Variants in VRK2 observed in about 807,000 individuals in gnomAD.
VRK2 encodes VRK serine/threonine kinase 2.
VRK2 carries 60 observed loss-of-function variants against 57.6 expected under a neutral mutation model. The ratio of observed to expected loss-of-function variants is 1.04; its 90% CI spans 0.85 to 1.29. The LOEUF (loss-of-function observed/expected upper bound fraction) is 1.29. Among genes scored for constraint, VRK2 ranks in the 50% most tolerant of loss-of-function variants. The pLI is 0.00. For missense variants in VRK2, 705 were observed against 588.1 expected (o/e 1.20, Z -2.06); for synonymous variants, 231 against 199.2 (o/e 1.16, Z -1.35).
chr2:58,139,932 T>G (rs1681076627), intron 11 of VRK2, 100 bp downstream of exon 11: 2 of 1,280,424 alleles, frequency 1.6e-6, no homozygotes, highest in Admixed American at 5.1e-5. Context: ...ACAGCTTTCT[T>G]CTTCCTTATA....
At chr2:58,114,404 A>T (rs1001125962) in intron 7 of VRK2, among the ~76,000 whole-genome samples, 5 of 152,154 alleles carry the variant, frequency 3.3e-5, no homozygotes, top group Admixed American at 1.3e-4. Flanking sequence ...GAGTATGACT[A>T]GACAAAAGAT....
At chr2:58,000,485 A>C (rs571677463) in intron 1 of VRK2, among the ~76,000 whole-genome samples, 44 of 152,364 alleles carry the variant, frequency 2.9e-4, no homozygotes, top group Non-Finnish European at 5.1e-4. Context: ...AAATTCTTGA[A>C]AGGCATTATA....
At chr2:58,064,805 CT>C (rs397871952) in intron 2 of VRK2, among the ~76,000 whole-genome samples, 138 of 151,792 alleles carry the variant, frequency 9.1e-4, no homozygotes, top group Non-Finnish European at 1.4e-3. Context: ...AGATAATACA[CT>C]TTTTTTTCAA....
chr2:57,955,386 C>T (rs1671550412), intron 1 of VRK2, among the ~76,000 whole-genome samples: 1 of 150,658 alleles, frequency 6.6e-6, no homozygotes, highest in Non-Finnish European at 1.5e-5. Context: ...TATATCTCTA[C>T]CAACTCCCTA....
intron 2 of VRK2, among the ~76,000 whole-genome samples, chr2:58,071,030 A>G (rs1669292798): frequency 1.3e-5 from 2 of 152,016 alleles, no homozygotes; most frequent in African/African-American, 2.4e-5. Context: ...GTTGTATCTC[A>G]TTGTTTTAAT....
At chr2:57,964,544 G>A (rs1051976002) in intron 1 of VRK2, among the ~76,000 whole-genome samples, 5 of 152,074 alleles carry the variant, frequency 3.3e-5, no homozygotes, top group African/African-American at 1.2e-4. Flanking sequence ...CTCATGCAGT[G>A]CAAAACTGTG....
chr2:57,947,198 C>A (rs931415123), intron 1 of VRK2, among the ~76,000 whole-genome samples: 1 of 151,990 alleles, frequency 6.6e-6, no homozygotes, highest in Non-Finnish European at 1.5e-5. Context: ...GCAACTACCA[C>A]CAGAGTTAAA....
chr2:57,982,754 A>G (rs1456837109), intron 1 of VRK2, among the ~76,000 whole-genome samples: 1 of 152,194 alleles, frequency 6.6e-6, no homozygotes, highest in Non-Finnish European at 1.5e-5. Context: ...GCCCTGAACT[A>G]TCCAGGTCTG....
At chr2:58,068,931 A>G (rs1488663652) in intron 2 of VRK2, among the ~76,000 whole-genome samples, 1 of 151,976 alleles carries the variant, frequency 6.6e-6, no homozygotes, top group Non-Finnish European at 1.5e-5. Flanking sequence ...TTTGTTTCAA[A>G]AGTGTTTGTC....
chr2:58,101,790 A>G (rs1362641873), intron 7 of VRK2, among the ~76,000 whole-genome samples: 1 of 151,734 alleles, frequency 6.6e-6, no homozygotes, highest in East Asian at 1.9e-4. Context: ...ATATATATGT[A>G]CATCAGGAGA....
chr2:57,910,737 G>C (rs758407342), intron 1 of VRK2, among the ~76,000 whole-genome samples: 3 of 152,162 alleles, frequency 2.0e-5, no homozygotes, highest in African/African-American at 4.8e-5. Flanking sequence ...TATGGTAGTG[G>C]TGATGGTTGA....
At chr2:58,051,620 C>G (rs1037479903) in intron 2 of VRK2, among the ~76,000 whole-genome samples, 1 of 152,210 alleles carries the variant, frequency 6.6e-6, no homozygotes. Flanking sequence ...CAGATACCCT[C>G]TTTCAGCAGA....
rs1191924886 is a variant in VRK2, at chr2:57,979,196, G to A, written c.-438-46469G>A. On this transcript the variant is annotated intron_variant, in intron 1 of 15. Transcript: ENST00000417641. ...GTATATACCCAGTAATGGGATTGCT[G>A]GGTCAAATGGTATTTCTGGTTCTAG... Among the ~76,000 whole-genome samples the A allele has an allele frequency of 3.3e-5, 5 of 150,972 alleles. 1 individual carries two copies. The highest frequency in any genetic ancestry group is 1.2e-4 in the African/African-American group (5 of 40,354).
intron 11 of VRK2, among the ~76,000 whole-genome samples, chr2:58,141,292 A>T (rs1681290318): frequency 6.6e-6 from 1 of 152,028 alleles, no homozygotes; most frequent in African/African-American, 2.4e-5. Context: ...TTGAAATATA[A>T]AAGAAGCCAT....
Position 58,004,449 on chromosome 2 carries a change from C to G in VRK2, c.-438-21216C>G, listed in dbSNP as rs556588800. ...TATTAGAATGGCAATTGACTGTTTT[C>G]TAATCTGTTATTGCAATGATTTTAG... On this transcript the variant is annotated intron_variant, in intron 1 of 15. Transcript: ENST00000417641. Among the ~76,000 whole-genome samples the G allele has an allele frequency of 4.6e-5, 7 of 152,178 alleles. No individual in the cohort carries two copies. In the South Asian group the frequency reaches 8.3e-4, roughly 18 times the overall value.
rs1684773739 is a variant in VRK2, at chr2:58,159,646, A to T, written c.1480A>T (p.Ile494Leu). The change falls in exon 13 of 13, where the codon ATA (isoleucine) becomes TTA (leucine). Residue 494 changes from isoleucine to leucine, a missense_variant. Transcript: ENST00000340157. ...NADVYYYRII[I>L]PVLLMLVFLA... ...AGATGTTTATTATTATCGCATCATCATACCTGTCCTTTTGATGTTAGTATT... is the reference window on the plus strand; with the variant it reads ...AGATGTTTATTATTATCGCATCATCTTACCTGTCCTTTTGATGTTAGTATT... 1.2e-6 allele frequency: 2 copies of T among 1,613,526 alleles called. No homozygotes were observed. Among genetic ancestry groups the T allele is most frequent in the Non-Finnish European group, 1.7e-6 (2 of 1,179,710 alleles).
chr2:58,094,268 C>T (rs2104281555), intron 7 of VRK2, among the ~76,000 whole-genome samples: 1 of 152,072 alleles, frequency 6.6e-6, no homozygotes, highest in Non-Finnish European at 1.5e-5. Flanking sequence ...TATGGCCATT[C>T]TGATGATATT....
rs372766947 is a variant in VRK2 at position 58,139,738 on chromosome 2, A to T, written c.929A>T (p.Lys310Met). Residue 310 changes from lysine to methionine, a missense_variant, in exon 11 of 13, where the codon AAG (lysine) becomes ATG (methionine). By Grantham distance (95) the Lys-to-Met change is moderately conservative (BLOSUM62 -1). Coordinates refer to ENST00000340157, the MANE Select transcript of VRK2 (RefSeq NM_006296.7). ...YDEKPNYQAL[K>M]KILNPHGIPL... Reference sequence around the variant, plus strand: ...GAAAAGCCAAACTATCAAGCCCTCAAGAAAATTTTGAACCCTCATGGAATA... The same window carrying T: ...GAAAAGCCAAACTATCAAGCCCTCATGAAAATTTTGAACCCTCATGGAATA... 5.0e-6 allele frequency: 8 copies of T among 1,613,334 alleles called. No individual in the cohort carries two copies. The highest frequency in any genetic ancestry group is 2.5e-6 in the Non-Finnish European group (3 of 1,179,472).
chr2:58,114,888 A>G (rs1219910499), intron 7 of VRK2, among the ~76,000 whole-genome samples: 5 of 152,212 alleles, frequency 3.3e-5, no homozygotes, highest in African/African-American at 1.2e-4. Flanking sequence ...ATTTAGACTA[A>G]GAGCTATTTT....
Sources: gnomAD v4.1 joint callset for allele counts (sites outside exome capture counted in the v4.1 genomes callset) on GRCh38, gnomAD v4.1.1 for gene constraint, MANE v1.5 for transcripts, NCBI Gene and HGNC (gene_info 2026-07-23, HGNC 2026-07-21) for gene names.